STAU2: variants seen among roughly 807,000 people sequenced by gnomAD.
STAU2 encodes the protein staufen double-stranded RNA binding protein 2, also known as double-stranded RNA-binding protein Staufen homolog 2.
In STAU2, 20 loss-of-function variants were observed where a neutral mutation model predicts 65.9. The ratio of observed to expected loss-of-function variants is 0.30; its 90% CI spans 0.21 to 0.44. The LOEUF is 0.44. STAU2 is among the 20% of genes least tolerant of loss of function. STAU2 has a pLI of 1.00. For synonymous variants in STAU2, 232 were observed against 233.9 expected (o/e 0.99, Z 0.07); for missense variants, 558 against 683.9 (o/e 0.82, Z 2.05).
At chr8:73,700,825 A>G (rs1820045304) in intron 4 of STAU2, among the ~76,000 whole-genome samples, 1 of 152,166 alleles carries the variant, frequency 6.6e-6, no homozygotes, top group Non-Finnish European at 1.5e-5. Context: ...AGCTATCCTG[A>G]GCAAAAAGAA....
chr8:73,635,269 T>TA (rs1814402420), intron 6 of STAU2, among the ~76,000 whole-genome samples: 3 of 152,146 alleles, frequency 2.0e-5, no homozygotes, highest in South Asian at 4.2e-4. Context: ...GAACAAACTG[T>TA]AAAAAAACAA....
At chr8:73,709,264 T>C in intron 3 of STAU2, 102 bp from the exon 4 acceptor site, 1 of 1,053,286 alleles carries the variant, frequency 9.5e-7, no homozygotes, top group Non-Finnish European at 1.3e-6. Flanking sequence ...TTAAATTATT[T>C]TCATGAATTT....
Position 73,613,922 on chromosome 8 carries a change from C to T in STAU2, c.713G>A (p.Ser238Asn). The change falls in exon 9 of 15, where the codon AGC (serine) becomes AAC (asparagine). Residue 238 changes from serine (S) to asparagine (N), a missense_variant. Around this residue, in one of 3 missense-constraint regions of STAU2, gnomAD observed 199 missense variants for 299.5 expected, o/e 0.66. Transcript: ENST00000524300. ...IKESGPPHMK[S>N]FVTRVSVGEF... ...TCCTACTGACACTCGAGTAACAAAG[C>T]TTTTCATATGTGGTGGTCCACTTTC... 1 of 1,612,708 alleles carries T rather than the reference C, an allele frequency of 6.2e-7. No homozygotes were observed. The highest frequency in any genetic ancestry group is 8.5e-7 in the Non-Finnish European group (1 of 1,179,658).
intron 6 of STAU2, among the ~76,000 whole-genome samples, chr8:73,634,082 T>C (rs1814314222): frequency 6.6e-6 from 1 of 152,152 alleles, no homozygotes; most frequent in Admixed American, 6.5e-5. Flanking sequence ...TATGAGAAGA[T>C]GTTTGACCTC....
intron 13 of STAU2, among the ~76,000 whole-genome samples, chr8:73,481,026 C>T (rs1440967273): frequency 6.6e-6 from 1 of 152,026 alleles, no homozygotes; most frequent in African/African-American, 2.4e-5. Flanking sequence ...TACATATATG[C>T]TGTTTTATTT....
At chr8:73,658,955 A>C (rs1329600273) in intron 6 of STAU2, among the ~76,000 whole-genome samples, 4 of 150,286 alleles carry the variant, frequency 2.7e-5, no homozygotes, top group African/African-American at 4.9e-5. Flanking sequence ...AAAAAAAAAA[A>C]CCAACCATAC....
intron 13 of STAU2, among the ~76,000 whole-genome samples, chr8:73,541,636 T>C (rs1806552519): frequency 6.6e-6 from 1 of 152,092 alleles, no homozygotes; most frequent in South Asian, 2.1e-4. Flanking sequence ...AGCTGTTGGA[T>C]TTAGTTGACA....
intron 13 of STAU2, among the ~76,000 whole-genome samples, chr8:73,521,975 G>C (rs566095082): frequency 6.6e-6 from 1 of 152,280 alleles, no homozygotes; most frequent in South Asian, 2.1e-4. Flanking sequence ...TTAGGTGGTT[G>C]ATTTACTAAT....
chr8:73,436,401 C>G (rs1178624778), intron 13 of STAU2, among the ~76,000 whole-genome samples: 1 of 151,556 alleles, frequency 6.6e-6, no homozygotes, highest in African/African-American at 2.4e-5. Context: ...TCCCAAATTT[C>G]TCTCCTTAAC....
At chr8:73,693,570 C>T (rs747374332) in intron 4 of STAU2, among the ~76,000 whole-genome samples, 6 of 152,012 alleles carry the variant, frequency 3.9e-5, no homozygotes, top group Non-Finnish European at 7.3e-5. Flanking sequence ...ATTCAAACTA[C>T]CATTCTTACC....
intron 13 of STAU2, among the ~76,000 whole-genome samples, chr8:73,505,091 CA>C (rs1821987207): frequency 6.6e-6 from 1 of 152,076 alleles, no homozygotes; most frequent in South Asian, 2.1e-4. Context: ...AGTTATCCAC[CA>C]AATCATCTCT....
At chr8:73,715,763 TA>T (rs1031565653) in intron 3 of STAU2, among the ~76,000 whole-genome samples, 1 of 152,114 alleles carries the variant, frequency 6.6e-6, no homozygotes, top group African/African-American at 2.4e-5. Flanking sequence ...ATAAATGAGA[TA>T]AATATTATTA....
At chr8:73,607,147 C>T (rs1002510146) in intron 9 of STAU2, among the ~76,000 whole-genome samples, 1 of 152,026 alleles carries the variant, frequency 6.6e-6, no homozygotes, top group Non-Finnish European at 1.5e-5. Flanking sequence ...CACTCTATGT[C>T]AATTATACCT....
chr8:73,508,873 T>A (rs1475509117), intron 13 of STAU2, among the ~76,000 whole-genome samples: 3 of 152,250 alleles, frequency 2.0e-5, no homozygotes, highest in Non-Finnish European at 2.9e-5. Flanking sequence ...ATTATATGGA[T>A]AAATGACATT....
At chr8:73,646,424 A>T (rs922749366) in intron 6 of STAU2, among the ~76,000 whole-genome samples, 1 of 152,208 alleles carries the variant, frequency 6.6e-6, no homozygotes, top group Non-Finnish European at 1.5e-5. Context: ...ACAGACCCAC[A>T]CTAGTGTGGC....
At chr8:73,544,611 A>G (rs1413764899) in intron 13 of STAU2, among the ~76,000 whole-genome samples, 2 of 152,238 alleles carry the variant, frequency 1.3e-5, no homozygotes, top group African/African-American at 4.8e-5. Context: ...AGTATTCTTT[A>G]AAACATATTT....
chr8:73,603,626 T>C (rs538380155), intron 10 of STAU2, 100 bp downstream of exon 10: 17 of 1,451,918 alleles, frequency 1.2e-5, no homozygotes, highest in Non-Finnish European at 1.6e-5. Context: ...GAAACAGTTT[T>C]ACTTTCTGCT....
intron 6 of STAU2, among the ~76,000 whole-genome samples, chr8:73,663,553 C>T (rs2130342212): frequency 6.6e-6 from 1 of 151,684 alleles, no homozygotes; most frequent in African/African-American, 2.4e-5. Flanking sequence ...ATTGCTTTGG[C>T]TACTGCAAAA....
At chr8:73,515,055 A>AT (rs1025628444) in intron 13 of STAU2, among the ~76,000 whole-genome samples, 9 of 151,876 alleles carry the variant, frequency 5.9e-5, no homozygotes, top group South Asian at 2.1e-4. Flanking sequence ...ACACTTTTGG[A>AT]TTTTTTTTTC....
Sources: gnomAD v4.1 joint callset for allele counts (sites outside exome capture counted in the v4.1 genomes callset) on GRCh38, gnomAD v4.1.1 for gene constraint, gnomAD v4.1.1 regional missense constraint, MANE v1.5 for transcripts, NCBI Gene and HGNC (gene_info 2026-07-23, HGNC 2026-07-21) for gene names.